Variants in CNTN1 observed in about 807,000 individuals in gnomAD.
CNTN1 encodes contactin-1.
A neutral mutation model predicts 126.4 loss-of-function variants in CNTN1; 38 were observed. The ratio of observed to expected loss-of-function variants is 0.30; its 90% CI spans 0.23 to 0.39. The LOEUF (loss-of-function observed/expected upper bound fraction) is 0.39, where lower values mean the gene tolerates loss of function less well. Among genes scored for constraint, CNTN1 ranks in the 10% least tolerant of loss-of-function variants. The pLI is 1.00. For synonymous variants in CNTN1, 413 were observed against 422.6 expected, an observed-to-expected ratio of 0.98 and a Z score of 0.28; for missense variants, 1,009 against 1,248.4, an observed-to-expected ratio of 0.81 and a Z score of 2.89.
chr12:40,769,555 C>T (rs1939254125), intron 1 of CNTN1, among the ~76,000 whole-genome samples: 1 of 152,046 alleles, frequency 6.6e-6, no homozygotes, highest in Non-Finnish European at 1.5e-5. Flanking sequence ...TTTCAATTAA[C>T]CCAGTGTAAG....
At chr12:41,028,946 TTAAA>T in intron 22 of CNTN1, 113 bp from the exon 23 acceptor site, 1 of 1,013,674 alleles carries the variant, frequency 9.9e-7, no homozygotes, top group South Asian at 1.4e-5. Flanking sequence ...TCCTCTTGTT[TTAAA>T]TTTATTACTT....
intron 14 of CNTN1, among the ~76,000 whole-genome samples, chr12:40,957,053 G>GA (rs1011649541): frequency 1.3e-5 from 2 of 151,754 alleles, no homozygotes; most frequent in East Asian, 1.9e-4. Flanking sequence ...CAGATGACTA[G>GA]AAAAAAATGA....
intron 1 of CNTN1, among the ~76,000 whole-genome samples, chr12:40,785,411 C>T (rs1038379905): frequency 6.6e-6 from 1 of 152,124 alleles, no homozygotes; most frequent in Non-Finnish European, 1.5e-5. Flanking sequence ...GGTACTGTCT[C>T]ACCTGTCTGT....
chr12:40,895,518 T>C (rs1944378895), intron 1 of CNTN1, among the ~76,000 whole-genome samples: 1 of 152,126 alleles, frequency 6.6e-6, no homozygotes, highest in African/African-American at 2.4e-5. Flanking sequence ...AGGGACTGCG[T>C]GTGCTCGGGT....
At chr12:40,786,915 C>T (rs1367690224) in intron 1 of CNTN1, among the ~76,000 whole-genome samples, 1 of 152,026 alleles carries the variant, frequency 6.6e-6, no homozygotes, top group Non-Finnish European at 1.5e-5. Context: ...GTATTTATTC[C>T]CTTGTCCTTT....
chr12:40,982,590 A>G (rs925642384), intron 16 of CNTN1, among the ~76,000 whole-genome samples: 4 of 152,136 alleles, frequency 2.6e-5, no homozygotes, highest in African/African-American at 4.8e-5. Context: ...TCTAGCACCT[A>G]TATCAGGGCC....
intron 23 of CNTN1, among the ~76,000 whole-genome samples, chr12:41,055,871 G>A (rs1052200663): frequency 2.0e-5 from 3 of 152,114 alleles, no homozygotes; most frequent in Non-Finnish European, 4.4e-5. Context: ...GGACATTACA[G>A]CCACGGATTT....
In CNTN1 at chr12:41,021,042, G is replaced by T. The variant is rs143412288; in HGVS notation, c.2523+602G>T. Among the ~76,000 whole-genome samples the T allele has an allele frequency of 1.1e-3, 163 of 152,290 alleles. 1 individual carries two copies. Among genetic ancestry groups the T allele is most frequent in the African/African-American group, 3.8e-3 (159 of 41,568 alleles). ...ATCAAAACTAGAGAGATTAGTTAGG[G>T]TCTTTAATACAATGCTAATGCAATT... On this transcript the variant is annotated intron_variant, in intron 20 of 23. Transcript: ENST00000551295.
At chr12:41,044,388 G>C (rs1398415428) in intron 23 of CNTN1, among the ~76,000 whole-genome samples, 5 of 151,958 alleles carry the variant, frequency 3.3e-5, no homozygotes. Flanking sequence ...GTAAACACAG[G>C]TTTATCCTTT....
intron 1 of CNTN1, among the ~76,000 whole-genome samples, chr12:40,747,453 AGT>A (rs1416507459): frequency 6.6e-6 from 1 of 152,066 alleles, no homozygotes; most frequent in Non-Finnish European, 1.5e-5. Flanking sequence ...CCAGGAGCCT[AGT>A]GAGCAAAAGC....
chr12:40,754,030 A>G (rs963516770), intron 1 of CNTN1, among the ~76,000 whole-genome samples: 2 of 152,100 alleles, frequency 1.3e-5, no homozygotes, highest in Non-Finnish European at 2.9e-5. Flanking sequence ...ACCTTCAGAA[A>G]GTTATCAGTT....
chr12:41,048,587 CATT>C (rs776661519), intron 23 of CNTN1, among the ~76,000 whole-genome samples: 12 of 152,202 alleles, frequency 7.9e-5, no homozygotes, highest in Middle Eastern at 6.8e-3. Context: ...TCTTCTACAT[CATT>C]ATATTTCTTT....
At chr12:40,944,876 A>G (rs1277201435) in intron 14 of CNTN1, among the ~76,000 whole-genome samples, 1 of 152,088 alleles carries the variant, frequency 6.6e-6, no homozygotes, top group African/African-American at 2.4e-5. Context: ...TTAGAAAAGC[A>G]AACATTTGTA....
intron 14 of CNTN1, among the ~76,000 whole-genome samples, chr12:40,950,134 G>A (rs1946615776): frequency 1.1e-5 from 1 of 92,034 alleles, no homozygotes; most frequent in Non-Finnish European, 2.3e-5. Context: ...GTGTGTGTGT[G>A]TGTGTGTGTA....
intron 23 of CNTN1, among the ~76,000 whole-genome samples, chr12:41,032,752 T>C (rs946844253): frequency 6.6e-6 from 1 of 152,240 alleles, no homozygotes; most frequent in African/African-American, 2.4e-5. Context: ...CTAATGTTAG[T>C]AACCATGTAA....
At chr12:40,962,269 A>G (rs12812376) in intron 15 of CNTN1, among the ~76,000 whole-genome samples, 5,087 of 152,108 alleles carry the variant, frequency 0.033, 110 homozygotes, top group Middle Eastern at 0.11. Context: ...GTGTGTGTGC[A>G]TGTGTGCACG....
intron 1 of CNTN1, among the ~76,000 whole-genome samples, chr12:40,761,527 C>T (rs2136417133): frequency 6.6e-6 from 1 of 152,122 alleles, no homozygotes; most frequent in Non-Finnish European, 1.5e-5. Flanking sequence ...GGCATTAAAA[C>T]ATATTTTGGT....
chr12:40,962,872 T>C (rs1341507262), intron 15 of CNTN1, among the ~76,000 whole-genome samples: 2 of 152,172 alleles, frequency 1.3e-5, no homozygotes, highest in Admixed American at 6.6e-5. Flanking sequence ...ATATGAGTTA[T>C]ATCTGTTAAC....
intron 1 of CNTN1, among the ~76,000 whole-genome samples, chr12:40,821,195 T>G (rs907967841): frequency 1.3e-5 from 2 of 152,224 alleles, no homozygotes; most frequent in Admixed American, 6.5e-5. Context: ...TTTAAATGTG[T>G]TACTAGAGAA....
Sources: allele counts gnomAD v4.1 joint callset (sites outside exome capture counted in the v4.1 genomes callset), GRCh38; gene constraint gnomAD v4.1.1; transcripts MANE v1.5; gene names NCBI Gene and HGNC (gene_info 2026-07-23, HGNC 2026-07-21).